Variants in NRXN3 observed in about 807,000 individuals in gnomAD.
NRXN3 encodes the protein neurexin 3.
Under a neutral mutation model 137.6 loss-of-function variants are expected in NRXN3, and 32 were observed. The ratio of observed to expected loss-of-function variants is 0.23; its 90% CI spans 0.18 to 0.31. NRXN3 has a LOEUF of 0.31. Among genes scored for constraint, NRXN3 ranks in the 10% least tolerant of loss-of-function variants. The pLI, the probability that NRXN3 is intolerant of heterozygous loss-of-function variation, is 1.00. For missense variants in NRXN3, 1,574 were observed against 2,062.5 expected (o/e 0.76, Z 4.59); for synonymous variants, 798 against 784.5 (o/e 1.02, Z -0.29).
chr14:79,834,483 C>T (rs533676633), intron 20 of NRXN3, among the ~76,000 whole-genome samples: 3 of 152,152 alleles, frequency 2.0e-5, no homozygotes, highest in South Asian at 2.1e-4. Context: ...TGTTTCTGGA[C>T]GTCACAGCTA....
Position 78,913,274 on chromosome 14 carries a change from C to CTTTTTTTTTTTTTTTTT in NRXN3, c.2276-43960_2276-43944dup, listed in dbSNP as rs1157942892. 5.2e-4 allele frequency among the ~76,000 whole-genome samples: 25 copies of CTTTTTTTTTTTTTTTTT among 47,858 alleles called. 1 individual carries two copies. Among genetic ancestry groups the CTTTTTTTTTTTTTTTTT allele is most frequent in the Non-Finnish European group, 7.1e-4 (20 of 28,180 alleles). The allele number at this position is 47,858 out of a possible 152,430, so 31.4% of individuals were successfully genotyped here. ...TCTTTCTTTCTTTCTTTCTTTCTTT[C>CTTTTTTTTTTTTTTTTT]TTTTTTTTTTTTTTTTTTTTTTTTG... is the stretch of plus-strand genomic sequence containing the variant. On this transcript the variant is annotated intron_variant, in intron 10 of 20. Transcript: ENST00000335750.
chr14:78,174,969 G>T (rs1047213940), intron 1 of NRXN3, among the ~76,000 whole-genome samples: 4 of 152,258 alleles, frequency 2.6e-5, no homozygotes, highest in Non-Finnish European at 4.4e-5. Flanking sequence ...GGGTGGTCTT[G>T]CTCCCCTGGC....
At chr14:78,273,436 T>C (rs1328267808) in intron 2 of NRXN3, among the ~76,000 whole-genome samples, 1 of 152,216 alleles carries the variant, frequency 6.6e-6, no homozygotes, top group African/African-American at 2.4e-5. Context: ...GATAAGAGTA[T>C]TATAAAAATC....
intron 15 of NRXN3, among the ~76,000 whole-genome samples, chr14:79,113,772 A>G (rs1207055278): frequency 2.6e-5 from 4 of 152,160 alleles, no homozygotes; most frequent in African/African-American, 9.7e-5. Flanking sequence ...GATACTCTTA[A>G]TCAATGGTTC....
intron 19 of NRXN3, among the ~76,000 whole-genome samples, chr14:79,719,402 G>GTATATATATGTGTGTGTGTATATA (rs5741998): frequency 2.4e-4 from 34 of 142,306 alleles, no homozygotes; most frequent in African/African-American, 6.4e-4. Context: ...ATATATGTGT[G>GTATATATATGTGTGTGTGTATATA]TATATATATA....
intron 1 of NRXN3, among the ~76,000 whole-genome samples, chr14:78,215,331 C>T (rs1370323558): frequency 1.3e-5 from 2 of 152,106 alleles, no homozygotes; most frequent in East Asian, 1.9e-4. Context: ...GTTTTAGCTT[C>T]TGGGTCCCTG....
intron 8 of NRXN3, among the ~76,000 whole-genome samples, chr14:78,778,723 T>TTTC (rs1321817566): frequency 4.0e-5 from 6 of 149,108 alleles, no homozygotes; most frequent in African/African-American, 1.5e-4. Context: ...TCTTTCTTTC[T>TTTC]TTCTTTCTCT....
intron 4 of NRXN3, among the ~76,000 whole-genome samples, chr14:78,453,576 A>C (rs2153708767): frequency 6.6e-6 from 1 of 152,356 alleles, no homozygotes; most frequent in South Asian, 2.1e-4. Context: ...TTCCAGCATA[A>C]GAAAGAGCAT....
At chr14:79,004,509 G>A (rs1485024087) in intron 15 of NRXN3, among the ~76,000 whole-genome samples, 1 of 152,174 alleles carries the variant, frequency 6.6e-6, no homozygotes, top group African/African-American at 2.4e-5. Flanking sequence ...CTCCCAAAGT[G>A]CTGGGATTAC....
At chr14:78,622,425 GTTTGTTTT>G (rs1478519615) in intron 4 of NRXN3, among the ~76,000 whole-genome samples, 1 of 152,142 alleles carries the variant, frequency 6.6e-6, no homozygotes, top group Non-Finnish European at 1.5e-5. Flanking sequence ...TTGTTTGTTT[GTTTGTTTT>G]GTTTTGTGAT....
intron 16 of NRXN3, among the ~76,000 whole-genome samples, chr14:79,627,707 C>A (rs2098297750): frequency 1.3e-5 from 2 of 152,116 alleles, no homozygotes; most frequent in African/African-American, 4.8e-5. Flanking sequence ...TGGTTATTAA[C>A]CCCATGGAAC....
At chr14:78,432,105 C>G (rs577790975) in intron 4 of NRXN3, among the ~76,000 whole-genome samples, 1 of 152,218 alleles carries the variant, frequency 6.6e-6, no homozygotes, top group African/African-American at 2.4e-5. Context: ...GAGTCTGAAG[C>G]TTGAAGATGG....
intron 15 of NRXN3, among the ~76,000 whole-genome samples, chr14:79,036,449 C>T (rs971680323): frequency 6.6e-6 from 1 of 152,140 alleles, no homozygotes; most frequent in South Asian, 2.1e-4. Context: ...CTCCATTCAT[C>T]TCTAGTTTTA....
intron 4 of NRXN3, among the ~76,000 whole-genome samples, chr14:78,563,351 T>A (rs2096805128): frequency 6.6e-6 from 1 of 152,156 alleles, no homozygotes; most frequent in Admixed American, 6.5e-5. Flanking sequence ...ACAAGCTACC[T>A]TGATGGATAG....
chr14:78,512,261 AC>A (rs1362855882), intron 4 of NRXN3, among the ~76,000 whole-genome samples: 1 of 152,160 alleles, frequency 6.6e-6, no homozygotes, highest in African/African-American at 2.4e-5. Flanking sequence ...GATCAGAAGA[AC>A]CAGCCAGCCT....
In NRXN3 at chr14:79,338,218, AGTGTGTGT is replaced by A. The variant is rs56816357; in HGVS notation, c.3263-128977_3263-128970del. ...CGGGGTGTGTGTGTGTGTGTATGTGAGTGTGTGTGTGTGTGTGTGTGTGTGTGTGTGTG... is the reference window on the plus strand; with the variant it reads ...CGGGGTGTGTGTGTGTGTGTATGTGAGTGTGTGTGTGTGTGTGTGTGTGTG... On this transcript the variant is annotated intron_variant, in intron 15 of 20. Coordinates refer to ENST00000335750, the MANE Select transcript of NRXN3 (RefSeq NM_001330195.2). Among the ~76,000 whole-genome samples the A allele has an allele frequency of 7.2e-3, 1,021 of 141,248 alleles. 6 individuals carry two copies. Among genetic ancestry groups the A allele is most frequent in the African/African-American group, 0.025 (940 of 37,910 alleles). 92.7% of individuals were successfully genotyped at this position (141,248 alleles called of 152,430 possible).
rs149349448 is a variant in NRXN3, at chr14:79,333,619, G to A, written c.3263-133602G>A. Among the ~76,000 whole-genome samples, 904 of 152,244 alleles carry A rather than the reference G, an allele frequency of 5.9e-3. 7 individuals are homozygous for A. Among genetic ancestry groups the A allele is most frequent in the African/African-American group, 0.021 (873 of 41,540 alleles). Reference sequence around the variant, plus strand: ...AATAAGAGTTAAGGATGGGAGCAAGGAGGAGATGGAGAGTTATGCTCATTC... The same window carrying A: ...AATAAGAGTTAAGGATGGGAGCAAGAAGGAGATGGAGAGTTATGCTCATTC... On this transcript the variant is annotated intron_variant, in intron 15 of 20. Transcript: ENST00000335750.
rs111688951 is a variant in NRXN3 at position 78,326,521 on chromosome 14, C to T, written c.757+28661C>T. 1.9e-3 allele frequency among the ~76,000 whole-genome samples: 291 copies of T among 151,940 alleles called. 1 individual carries two copies. Among genetic ancestry groups the T allele is most frequent in the African/African-American group, 6.6e-3 (274 of 41,436 alleles). ...GGTTGAAGGGACTGTGAGGGAGTCA[C>T]GCATGTGATTGACAATGTAGAGGAA... On this transcript the variant is annotated intron_variant, in intron 4 of 20. Coordinates refer to ENST00000335750, the MANE Select transcript of NRXN3 (RefSeq NM_001330195.2).
At chr14:79,353,349 T>G (rs1173313165) in intron 15 of NRXN3, among the ~76,000 whole-genome samples, 1 of 152,074 alleles carries the variant, frequency 6.6e-6, no homozygotes, top group East Asian at 1.9e-4. Flanking sequence ...TTAATGAACA[T>G]ATAATGAGTA....
Sources: allele counts gnomAD v4.1 joint callset (sites outside exome capture counted in the v4.1 genomes callset), GRCh38; gene constraint gnomAD v4.1.1; transcripts MANE v1.5; gene names NCBI Gene and HGNC (gene_info 2026-07-23, HGNC 2026-07-21).